The following HSPH1 variants were observed in gnomAD, a reference collection of about 807,000 sequenced individuals.
HSPH1 encodes the protein heat shock protein 105 kDa.
A neutral mutation model predicts 100.0 loss-of-function variants in HSPH1; 40 were observed. That is an observed-to-expected ratio of 0.40 (90% CI 0.31 to 0.52). The LOEUF (loss-of-function observed/expected upper bound fraction) is 0.52. HSPH1 is among the 20% of genes least tolerant of loss of function. HSPH1 has a pLI of 0.54. For synonymous variants in HSPH1, 403 were observed against 344.0 expected, an observed-to-expected ratio of 1.17 and a Z score of -1.90; for missense variants, 876 against 1,015.1, an observed-to-expected ratio of 0.86 and a Z score of 1.86.
intron 10 of HSPH1, among the ~76,000 whole-genome samples, chr13:31,147,351 A>G (rs1956300267): frequency 6.6e-6 from 1 of 152,146 alleles, no homozygotes; most frequent in Non-Finnish European, 1.5e-5. Flanking sequence ...CCTTCAAACA[A>G]TTTATTTATG....
chr13:31,146,156 T>C (rs762297418), intron 10 of HSPH1, among the ~76,000 whole-genome samples: 22 of 152,000 alleles, frequency 1.4e-4, no homozygotes, highest in Non-Finnish European at 3.2e-4. Context: ...TAAAAATCTA[T>C]CTGTGTAAAG....
At chr13:31,156,344 C>A (rs1396240753) in intron 2 of HSPH1, among the ~76,000 whole-genome samples, 1 of 151,662 alleles carries the variant, frequency 6.6e-6, no homozygotes, top group Non-Finnish European at 1.5e-5. Context: ...GAGCCAAGAT[C>A]GTGTCACTGC....
chr13:31,158,738 T>C, intron 2 of HSPH1, 68 bp downstream of exon 2: 1 of 971,890 alleles, frequency 1.0e-6, no homozygotes, highest in South Asian at 1.3e-5. Context: ...CTCTTATATG[T>C]CTCTTGAGAT....
upstream of HSPH1, chr13:31,162,366 CGTA>C: frequency 1.9e-6 from 1 of 536,380 alleles, no homozygotes; most frequent in African/African-American, 1.9e-5. Flanking sequence ...TGTTGGGAAT[CGTA>C]GTCCCGCTGG....
intron 2 of HSPH1, among the ~76,000 whole-genome samples, chr13:31,156,347 G>T (rs1272647799): frequency 6.6e-6 from 1 of 151,972 alleles, no homozygotes. Context: ...CCAAGATCGT[G>T]TCACTGCACT....
At chr13:31,148,228 T>TTTCTCTC in intron 9 of HSPH1, 136 bp from the exon 10 acceptor site, 1 of 1,107,846 alleles carries the variant, frequency 9.0e-7, no homozygotes, top group Non-Finnish European at 1.3e-6. Flanking sequence ...ATGAGAGAAA[T>TTTCTCTC]ATTTTGGTAG....
At chr13:31,144,533 AAAG>A (rs1163222395) in intron 11 of HSPH1, among the ~76,000 whole-genome samples, 1 of 152,146 alleles carries the variant, frequency 6.6e-6, no homozygotes, top group East Asian at 1.9e-4. Flanking sequence ...TGGTAAAGAA[AAAG>A]AAGAATGAAC....
intron 11 of HSPH1, 116 bp from the exon 12 acceptor site, chr13:31,144,039 G>T: frequency 1.2e-6 from 1 of 866,320 alleles, no homozygotes; most frequent in Non-Finnish European, 1.6e-6. Flanking sequence ...AACAGGTGGG[G>T]AGAAAAGGTA....
At chr13:31,156,394 CA>C (rs71099937) in intron 2 of HSPH1, among the ~76,000 whole-genome samples, 1 of 147,830 alleles carries the variant, frequency 6.8e-6, no homozygotes, top group Non-Finnish European at 1.5e-5. Context: ...CGTCTCAAAA[CA>C]AAAAAAAAAG....
In HSPH1 at chr13:31,151,202, TG is replaced by T; in HGVS notation, c.664-12del. The T allele has an allele frequency of 1.3e-6, 2 of 1,587,704 alleles. No individual in the cohort carries two copies. The highest frequency in any genetic ancestry group is 1.1e-5 in the South Asian group (1 of 87,376). The stretch of plus-strand genomic sequence containing the variant: ...AGCTGTTCCCAGTACCTAATTTGGT[TG>T]AAACAACAAATAGTCTGGTTATTTT... On this transcript the variant is annotated splice_polypyrimidine_tract_variant and intron_variant, in intron 6 of 17. Coordinates refer to ENST00000320027, the MANE Select transcript of HSPH1 (RefSeq NM_006644.4).
At position 31,143,862 on chromosome 13, in the gene HSPH1, T is replaced by C. The variant is rs1192442555; in HGVS notation, c.1646A>G (p.Gln549Arg). ...TGAAGGGGGAGACTGTGAGGTTTGTTGAGCATCAGTTTGTACCTGGGGCTG... is the reference window on the plus strand; with the variant it reads ...TGAAGGGGGAGACTGTGAGGTTTGTCGAGCATCAGTTTGTACCTGGGGCTG... ...GTQPQVQTDA[Q>R]QTSQSPPSPE... The change falls in exon 12 of 18, where the codon CAA (glutamine) becomes CGA (arginine). Residue 549 changes from glutamine to arginine, a missense_variant. Gln to Arg is a conservative substitution (Grantham distance 43). Transcript: ENST00000320027. 6.2e-7 allele frequency: 1 copy of C among 1,611,910 alleles called. No individual in the cohort carries two copies. Among genetic ancestry groups the C allele is most frequent in the Non-Finnish European group, 8.5e-7 (1 of 1,178,798 alleles).
chr13:31,148,355 G>T lies in HSPH1; in HGVS notation c.1244+19C>A. On this transcript the variant is annotated intron_variant, in intron 9 of 17. Coordinates refer to ENST00000320027, the MANE Select transcript of HSPH1 (RefSeq NM_006644.4). ...CTTCTTTACATTATAGTATCTGAAT[G>T]TTATTTTCTGCTACATACCCTTCAG... 1 of 1,378,434 alleles carries T rather than the reference G, an allele frequency of 7.3e-7. No individual in the cohort carries two copies. Among genetic ancestry groups the T allele is most frequent in the Non-Finnish European group, 1.0e-6 (1 of 975,756 alleles). 85.4% of individuals were successfully genotyped at this position (1,378,434 alleles called of 1,614,324 possible). A position where few individuals can be genotyped will look rare whatever the true frequency, so the allele number is the denominator to read the frequency against.
At chr13:31,159,398 C>T (rs913312172) in intron 1 of HSPH1, among the ~76,000 whole-genome samples, 2 of 151,822 alleles carry the variant, frequency 1.3e-5, no homozygotes, top group African/African-American at 2.4e-5. Flanking sequence ...GAGATTCTGC[C>T]GGAGAAAGAA....
chr13:31,153,090 T>C, intron 4 of HSPH1, 139 bp from the exon 5 acceptor site: 3 of 593,434 alleles, frequency 5.1e-6, no homozygotes, highest in Non-Finnish European at 8.9e-6. Flanking sequence ...GGGCTTTAGT[T>C]TTCTGCAAGC....
At chr13:31,151,524 G>T in intron 6 of HSPH1, 85 bp downstream of exon 6, 1 of 1,287,322 alleles carries the variant, frequency 7.8e-7, no homozygotes. Context: ...TTACCAAGAA[G>T]AAAAAGCCTA....
Position 31,155,569 on chromosome 13 carries a change from T to C in HSPH1, c.251A>G (p.Lys84Arg), listed in dbSNP as rs1306314697. Residue 84 changes from lysine to arginine, a missense_variant, in exon 3 of 18, where the codon AAG becomes AGG. Coordinates refer to ENST00000320027, the MANE Select transcript of HSPH1 (RefSeq NM_006644.4). ...AFNDPFIQKE[K>R]ENLSYDLVPL... ...AACCAAATCGTAACTCAAGTTTTCC[T>C]TCTCCTTTTGAATGAAGGGGTCATT... The C allele has an allele frequency of 6.2e-7, 1 of 1,612,682 alleles. No individual in the cohort carries two copies.
chr13:31,140,173 C>T lies in HSPH1; in HGVS notation c.1980+11G>A. 1 of 1,608,582 alleles carries T rather than the reference C, an allele frequency of 6.2e-7. No homozygotes were observed. The highest frequency in any genetic ancestry group is 8.5e-7 in the Non-Finnish European group (1 of 1,176,750). ...AGACTATCTGAACAAAAACAGAGCT[C>T]TAAGACATACCTGCTCACATATAAA... On this transcript the variant is annotated intron_variant, in intron 14 of 17. Transcript: ENST00000320027.
At chr13:31,139,616 C>A (rs531665258) in intron 14 of HSPH1, among the ~76,000 whole-genome samples, 1 of 152,164 alleles carries the variant, frequency 6.6e-6, no homozygotes, top group East Asian at 1.9e-4. Context: ...GACCTTAGAA[C>A]TATTAATAAA....
rs1956795167 is a variant in HSPH1, at chr13:31,158,790, C to G, written c.165+16G>C. 1 of 1,569,318 alleles carries G rather than the reference C, an allele frequency of 6.4e-7. No individual in the cohort carries two copies. Among genetic ancestry groups the G allele is most frequent in the African/African-American group, 1.4e-5 (1 of 74,018 alleles). ...CCCCCCTTAAAAAGTGATCCGAATTCTCTTAAAGAACATACCTGATTTTTG... is the reference window on the plus strand; with the variant it reads ...CCCCCCTTAAAAAGTGATCCGAATTGTCTTAAAGAACATACCTGATTTTTG... On this transcript the variant is annotated intron_variant, in intron 2 of 17. Transcript: ENST00000320027.
Sources: allele counts gnomAD v4.1 joint callset (sites outside exome capture counted in the v4.1 genomes callset), GRCh38; gene constraint gnomAD v4.1.1; transcripts MANE v1.5; gene names NCBI Gene and HGNC (gene_info 2026-07-23, HGNC 2026-07-21).